The following ESR1 variants were observed in gnomAD, a reference collection of about 807,000 sequenced individuals.
The protein encoded by ESR1 is estrogen receptor.
Under a neutral mutation model 52.7 loss-of-function variants are expected in ESR1, and 12 were observed. That is an observed-to-expected ratio of 0.23 (90% CI 0.15 to 0.37). The LOEUF is 0.37. Among genes scored for constraint, ESR1 ranks in the 10% least tolerant of loss-of-function variants. The pLI is 1.00. For synonymous variants in ESR1, 305 were observed against 316.8 expected, an observed-to-expected ratio of 0.96 and a Z score of 0.39; for missense variants, 584 against 779.7, an observed-to-expected ratio of 0.75 and a Z score of 2.99.
chr6:152,115,980 TAA>T (rs1190467820), intron 6 of ESR1, among the ~76,000 whole-genome samples: 2 of 152,182 alleles, frequency 1.3e-5, no homozygotes, highest in African/African-American at 4.8e-5. Context: ...TCTACATTTT[TAA>T]AAGTTTCCTG....
Position 152,100,962 on chromosome 6 carries a change from A to G in ESR1, c.*1996A>G, listed in dbSNP as rs1318321916. 6 of 229,504 alleles carry G rather than the reference A, an allele frequency of 2.6e-5. No homozygotes were observed. The highest frequency in any genetic ancestry group is 4.3e-5 in the Non-Finnish European group (5 of 115,736). 14.2% of individuals were successfully genotyped at this position (229,504 alleles called of 1,614,324 possible). On this transcript the variant is annotated 3_prime_UTR_variant, in exon 8 of 8. Transcript: ENST00000206249. ...AATTACATTGCTTGTTTATCAGACA[A>G]TTGAATGTAGTAATTCTGTTCTGGA...
At chr6:151,777,820 C>A (rs879881247) in intron 2 of ESR1, among the ~76,000 whole-genome samples, 4 of 152,038 alleles carry the variant, frequency 2.6e-5, no homozygotes, top group African/African-American at 4.8e-5. Context: ...ATTAGCCGGG[C>A]ACGGTGGTGC....
At chr6:151,742,946 T>C (rs1206358131) in intron 2 of ESR1, among the ~76,000 whole-genome samples, 2 of 152,210 alleles carry the variant, frequency 1.3e-5, no homozygotes, top group Non-Finnish European at 2.9e-5. Flanking sequence ...GAAAATTGAA[T>C]GGTGCTTAAT....
At chr6:151,768,458 A>G (rs1785240729) in intron 2 of ESR1, among the ~76,000 whole-genome samples, 1 of 152,222 alleles carries the variant, frequency 6.6e-6, no homozygotes, top group African/African-American at 2.4e-5. Flanking sequence ...CAATGCAAGT[A>G]TAATCCTGAA....
chr6:151,705,525 T>A (rs974504609), intron 2 of ESR1, among the ~76,000 whole-genome samples: 1 of 152,140 alleles, frequency 6.6e-6, no homozygotes, highest in Non-Finnish European at 1.5e-5. Context: ...AATTGGTAAA[T>A]CACACATGAA....
chr6:151,991,109 A>G (rs550591552), intron 4 of ESR1, among the ~76,000 whole-genome samples: 7 of 152,270 alleles, frequency 4.6e-5, no homozygotes, highest in Non-Finnish European at 8.8e-5. Flanking sequence ...TAAGAGGAGA[A>G]TGTTAAGCCA....
At chr6:151,943,710 T>C (rs2035374384) in intron 3 of ESR1, among the ~76,000 whole-genome samples, 1 of 152,206 alleles carries the variant, frequency 6.6e-6, no homozygotes, top group Non-Finnish European at 1.5e-5. Context: ...AATTTACTAT[T>C]AAAAGAATAT....
intron 4 of ESR1, among the ~76,000 whole-genome samples, chr6:151,977,750 G>T (rs373380062): frequency 6.6e-6 from 1 of 151,738 alleles, no homozygotes; most frequent in Non-Finnish European, 1.5e-5. Flanking sequence ...AGCCAAAATC[G>T]CACCACTGCA....
chr6:151,718,023 A>G (rs1309192159), intron 2 of ESR1, among the ~76,000 whole-genome samples: 1 of 152,146 alleles, frequency 6.6e-6, no homozygotes, highest in Non-Finnish European at 1.5e-5. Context: ...TAACCATATC[A>G]CCTAACCAGC....
rs1179307921 is a variant in ESR1, at chr6:151,850,401, A to AGAGAGAGAGGGAG, written c.643+7650_643+7662dup. Among the ~76,000 whole-genome samples the AGAGAGAGAGGGAG allele has an allele frequency of 9.6e-3, 1,418 of 148,430 alleles. 9 individuals are homozygous for AGAGAGAGAGGGAG. The highest frequency in any genetic ancestry group is 0.015 in the Non-Finnish European group (971 of 66,778). ...ATGATAACAGAGAGAGAGAGAGAGA[A>AGAGAGAGAGGGAG]GAGAGAGAGGGAGGAGAGAGAGGGA... On this transcript the variant is annotated intron_variant, in intron 2 of 7. Coordinates refer to ENST00000206249, the MANE Select transcript of ESR1 (RefSeq NM_000125.4).
chr6:152,058,810 G>T (rs1020328071), intron 5 of ESR1, among the ~76,000 whole-genome samples: 2 of 152,164 alleles, frequency 1.3e-5, no homozygotes, highest in Non-Finnish European at 2.9e-5. Context: ...AATTAAAGTA[G>T]AGCAAGAATT....
exon 7 of ESR1, chr6:152,125,488 A>G (rs1431973299): frequency 1.7e-6 from 2 of 1,193,732 alleles, no homozygotes; most frequent in Non-Finnish European, 2.3e-6. Flanking sequence ...CTCATTTGCA[A>G]TGATTCAATG....
chr6:152,032,039 C>T lies in ESR1; in HGVS notation c.1235+20245C>T, dbSNP rs892431038. ...ATATAAACAGAACCAATGACAAAAA[C>T]CACATGATTATCTCAATAGATGCAG... On this transcript the variant is annotated intron_variant, in intron 5 of 7. Coordinates refer to ENST00000206249, the MANE Select transcript of ESR1 (RefSeq NM_000125.4). Among the ~76,000 whole-genome samples, 47 of 152,146 alleles carry T rather than the reference C, an allele frequency of 3.1e-4. 1 individual carries two copies. Among genetic ancestry groups the T allele is most frequent in the Admixed American group, 6.6e-5 (1 of 15,266 alleles).
chr6:151,956,843 A>AT (rs2037003332), intron 4 of ESR1, among the ~76,000 whole-genome samples: 46 of 44,468 alleles, frequency 1.0e-3, no homozygotes, highest in African/African-American at 2.4e-3. Context: ...AATATAAATA[A>AT]ATATATATAT....
intron 2 of ESR1, among the ~76,000 whole-genome samples, chr6:151,752,429 C>T (rs1783968541): frequency 6.7e-6 from 1 of 149,566 alleles, no homozygotes; most frequent in African/African-American, 2.5e-5. Flanking sequence ...AGTTTACTTC[C>T]TAATTTTGAA....
intron 6 of ESR1, among the ~76,000 whole-genome samples, chr6:152,084,468 C>T (rs2049520830): frequency 6.6e-6 from 1 of 151,704 alleles, no homozygotes; most frequent in African/African-American, 2.4e-5. Flanking sequence ...TGGCTTTTAC[C>T]TCCCACCACG....
chr6:152,038,377 C>G (rs2045497422), intron 5 of ESR1, among the ~76,000 whole-genome samples: 1 of 152,120 alleles, frequency 6.6e-6, no homozygotes, highest in Non-Finnish European at 1.5e-5. Context: ...ACAGACACAC[C>G]CAAGGACAGC....
rs527873932 is a variant in ESR1 at position 151,668,558 on chromosome 6, C to T, written n.73+11795C>T. On this transcript the variant is annotated intron_variant and non_coding_transcript_variant, in intron 1 of 2. Coordinates refer to the ESR1 transcript ENST00000473497. ...TTGGCCTCCTAAAGTGTTGGGATTACAGGCGTGAGCCACTGCACCCGGCCA... is the reference window on the plus strand; with the variant it reads ...TTGGCCTCCTAAAGTGTTGGGATTATAGGCGTGAGCCACTGCACCCGGCCA... 3.9e-5 allele frequency among the ~76,000 whole-genome samples: 6 copies of T among 152,292 alleles called. No homozygotes were observed. In the South Asian group the frequency reaches 1.0e-3, roughly 26 times the overall value.
In ESR1 at chr6:151,931,537, T is replaced by G. The variant is rs1360069035; in HGVS notation, c.761-12636T>G. ...TACATATGTATACATGTGCCATGCT[T>G]GTGCGCTGCACCCACTAACTCGTCA... On this transcript the variant is annotated intron_variant, in intron 3 of 7. Coordinates refer to ENST00000206249, the MANE Select transcript of ESR1 (RefSeq NM_000125.4). Among the ~76,000 whole-genome samples the G allele has an allele frequency of 6.6e-5, 10 of 151,412 alleles. No individual in the cohort carries two copies. In the East Asian group the frequency reaches 1.4e-3, roughly 21 times the overall value.
Sources: allele counts gnomAD v4.1 joint callset (sites outside exome capture counted in the v4.1 genomes callset), GRCh38; gene constraint gnomAD v4.1.1; transcripts MANE v1.5; gene names NCBI Gene and HGNC (gene_info 2026-07-23, HGNC 2026-07-21).